PAK1: variants seen among roughly 807,000 people sequenced by gnomAD.
The protein encoded by PAK1 is serine/threonine-protein kinase PAK 1.
In PAK1, 29 loss-of-function variants were observed where a neutral mutation model predicts 67.4. The ratio of observed to expected loss-of-function variants is 0.43; its 90% CI spans 0.32 to 0.59. The LOEUF (loss-of-function observed/expected upper bound fraction) is 0.59. Among genes scored for constraint, PAK1 ranks in the 20% least tolerant of loss-of-function variants. The pLI is 0.07. For missense variants in PAK1, 337 were observed against 670.7 expected (o/e 0.50, Z 5.50); for synonymous variants, 223 against 237.4 (o/e 0.94, Z 0.56).
chr11:77,436,099 C>T (rs1232969740), intron 1 of PAK1, among the ~76,000 whole-genome samples: 2 of 152,134 alleles, frequency 1.3e-5, no homozygotes, highest in Admixed American at 6.5e-5. Context: ...AATTGGTAGA[C>T]CATGACCGCC....
At chr11:77,491,036 T>A in the PAK1 span, among the ~76,000 whole-genome samples, 1 of 151,902 alleles carries the variant, frequency 6.6e-6, no homozygotes. Context: ...GAGACCTTTG[T>A]TCACTTGTTT....
the PAK1 span, among the ~76,000 whole-genome samples, chr11:77,501,960 G>A: frequency 0.019 from 2,138 of 113,544 alleles, 39 homozygotes; most frequent in South Asian, 0.15. Context: ...TTTGCTTCAT[G>A]CAAAGCAGCT....
intron 8 of PAK1, among the ~76,000 whole-genome samples, chr11:77,350,718 C>G (rs1436254863): frequency 2.0e-5 from 3 of 152,162 alleles, no homozygotes; most frequent in African/African-American, 7.2e-5. Flanking sequence ...ACTATGGTCA[C>G]CAGCTCCCTA....
chr11:77,457,313 G>A (rs549166111), intron 1 of PAK1, among the ~76,000 whole-genome samples: 6 of 152,294 alleles, frequency 3.9e-5, no homozygotes, highest in Non-Finnish European at 7.4e-5. Context: ...ATTCTATAAA[G>A]TGAGCTGTTA....
chr11:77,458,406 T>G (rs1957173715), intron 1 of PAK1, among the ~76,000 whole-genome samples: 1 of 152,208 alleles, frequency 6.6e-6, no homozygotes, highest in South Asian at 2.1e-4. Flanking sequence ...CTCAAATCAT[T>G]GTCCTCCGAA....
chr11:77,380,083 T>C, intron 2 of PAK1, 89 bp from the exon 3 acceptor site: 1 of 866,684 alleles, frequency 1.2e-6, no homozygotes, highest in South Asian at 1.6e-5. Context: ...TGTAGTCTCC[T>C]TGAGAGGGCA....
chr11:77,476,309 C>A (rs372788151), upstream of PAK1: 3 of 152,216 alleles, frequency 2.0e-5, no homozygotes, highest in Non-Finnish European at 2.9e-5. Context: ...CTTATTGATG[C>A]GGGAACTGAG....
chr11:77,512,093 T>G, the PAK1 span, among the ~76,000 whole-genome samples: 1 of 152,104 alleles, frequency 6.6e-6, no homozygotes, highest in African/African-American at 2.4e-5. Flanking sequence ...AAGGGTCCAG[T>G]GGGGAAGGAA....
chr11:77,462,100 G>A (rs1423030383), intron 1 of PAK1, among the ~76,000 whole-genome samples: 7 of 152,280 alleles, frequency 4.6e-5, no homozygotes, highest in South Asian at 4.1e-4. Flanking sequence ...GCCGAAGCGG[G>A]TGGATCACAA....
At chr11:77,463,504 G>C (rs1369681501) in intron 1 of PAK1, among the ~76,000 whole-genome samples, 1 of 152,148 alleles carries the variant, frequency 6.6e-6, no homozygotes, top group Non-Finnish European at 1.5e-5. Flanking sequence ...GATAGCCAGA[G>C]GCAGTCTCAA....
chr11:77,380,750 T>C (rs1949704947), intron 2 of PAK1, among the ~76,000 whole-genome samples: 1 of 152,282 alleles, frequency 6.6e-6, no homozygotes, highest in Admixed American at 6.5e-5. Flanking sequence ...CCATGTCAAA[T>C]TAATCACAGC....
chr11:77,432,383 T>C (rs1053459327), intron 1 of PAK1, among the ~76,000 whole-genome samples: 5 of 152,018 alleles, frequency 3.3e-5, no homozygotes, highest in African/African-American at 1.2e-4. Flanking sequence ...AAGACAAAGA[T>C]GTCCATTTTT....
chr11:77,377,935 A>C (rs958867164), intron 4 of PAK1, among the ~76,000 whole-genome samples: 1 of 152,176 alleles, frequency 6.6e-6, no homozygotes, highest in Admixed American at 6.5e-5. Context: ...GCCAGACGAG[A>C]GGAAGGAAAT....
chr11:77,418,027 C>T (rs929129449), intron 1 of PAK1, among the ~76,000 whole-genome samples: 5 of 152,016 alleles, frequency 3.3e-5, no homozygotes, highest in Admixed American at 6.6e-5. Flanking sequence ...TGAGCCACTG[C>T]GCCCAGCCGG....
chr11:77,512,135 C>T, the PAK1 span, among the ~76,000 whole-genome samples: 1 of 152,158 alleles, frequency 6.6e-6, no homozygotes, highest in Non-Finnish European at 1.5e-5. Context: ...TAGAAGAGCT[C>T]ATTTCAAATT....
chr11:77,406,650 C>G (rs190046720), intron 1 of PAK1, among the ~76,000 whole-genome samples: 110 of 152,206 alleles, frequency 7.2e-4, no homozygotes, highest in Non-Finnish European at 1.4e-3. Context: ...TGGTGGCAGG[C>G]ACCGGTAGTC....
intron 5 of PAK1, among the ~76,000 whole-genome samples, chr11:77,371,604 AATT>A (rs1474701060): frequency 1.3e-5 from 2 of 152,222 alleles, no homozygotes; most frequent in Non-Finnish European, 2.9e-5. Context: ...CTTAGGCAGC[AATT>A]ATATTTGATT....
At chr11:77,455,769 T>C (rs1957053848) in intron 1 of PAK1, 1 of 152,228 alleles carries the variant, frequency 6.6e-6, no homozygotes, top group East Asian at 1.9e-4. Flanking sequence ...TACCATGTCT[T>C]TGCATCAGCT....
At chr11:77,453,110 T>C (rs781385959) in intron 1 of PAK1, among the ~76,000 whole-genome samples, 22 of 152,208 alleles carry the variant, frequency 1.4e-4, no homozygotes, top group Non-Finnish European at 2.5e-4. Flanking sequence ...ATCCCAGCAC[T>C]TCAGGAGGCC....
Sources: allele counts gnomAD v4.1 joint callset (sites outside exome capture counted in the v4.1 genomes callset), GRCh38; gene constraint gnomAD v4.1.1; transcripts MANE v1.5; gene names NCBI Gene and HGNC (gene_info 2026-07-23, HGNC 2026-07-21).